The following FMN2 variants were observed in gnomAD, a reference collection of about 807,000 sequenced individuals.
FMN2 encodes the protein formin 2.
In FMN2, 51 loss-of-function variants were observed where a neutral mutation model predicts 142.3. That is an observed-to-expected ratio of 0.36 (90% CI 0.29 to 0.45). FMN2 has a LOEUF of 0.45. Ranked by LOEUF, FMN2 falls within the 20% of genes least tolerant of loss-of-function variation. The pLI is 1.00. For synonymous variants in FMN2, 882 were observed against 869.8 expected (o/e 1.01, Z -0.25); for missense variants, 1,936 against 2,122.8 (o/e 0.91, Z 1.73).
At chr1:240,121,763 A>AAAAAAAAAAAAAAAAAT (rs1662267299) in intron 1 of FMN2, among the ~76,000 whole-genome samples, 1 of 148,932 alleles carries the variant, frequency 6.7e-6, no homozygotes, top group Non-Finnish European at 1.5e-5. Flanking sequence ...AAAAAAAAAA[A>AAAAAAAAAAAAAAAAAT]AAAGTCCTTA....
intron 13 of FMN2, among the ~76,000 whole-genome samples, chr1:240,347,261 G>A (rs1671937763): frequency 6.6e-6 from 1 of 152,206 alleles, no homozygotes. Flanking sequence ...GGGGAATAAA[G>A]TGAAAATGTT....
In FMN2 at chr1:240,091,914, G is replaced by A. The variant is rs1218042686; in HGVS notation, c.-196G>A. Reference sequence around the variant, plus strand: ...GCAGCCGCAGCGACGGCAGCCACGGGAGCCGCCGCGCATTATGCAAAGCGG... The same window carrying A: ...GCAGCCGCAGCGACGGCAGCCACGGAAGCCGCCGCGCATTATGCAAAGCGG... On this transcript the variant is annotated 5_prime_UTR_variant, in exon 1 of 18. Transcript: ENST00000319653. 1 of 943,838 alleles carries A rather than the reference G, an allele frequency of 1.1e-6. No homozygotes were observed. The highest frequency in any genetic ancestry group is 1.8e-5 in the African/African-American group (1 of 57,028). 58.5% of individuals were successfully genotyped at this position (943,838 alleles called of 1,614,324 possible). A position where few individuals can be genotyped will look rare whatever the true frequency, so the allele number is the denominator to read the frequency against.
At position 240,459,717 on chromosome 1, in the gene FMN2, T is replaced by TAAAAAAAAAAAAAAAAAAAAA. The variant is rs57065226; in HGVS notation, c.5061-12637_5061-12617dup. ...GGGTGACAGAACAAGACTCTGTCTCTAAAAAAAAAAAAAAAAAAAAAAAAA... is the reference window on the plus strand; with the variant it reads ...GGGTGACAGAACAAGACTCTGTCTCTAAAAAAAAAAAAAAAAAAAAAAAAAAAAAAAAAAAAAAAAAAAAAA... On this transcript the variant is annotated intron_variant, in intron 16 of 17. Coordinates refer to ENST00000319653, the MANE Select transcript of FMN2 (RefSeq NM_020066.5). Among the ~76,000 whole-genome samples, 4 of 67,130 alleles carry TAAAAAAAAAAAAAAAAAAAAA rather than the reference T, an allele frequency of 6.0e-5. 1 individual carries two copies. The highest frequency in any genetic ancestry group is 1.5e-4 in the African/African-American group (3 of 19,470). The allele number at this position is 67,130 out of a possible 152,430, so 44.0% of individuals were successfully genotyped here.
chr1:240,186,895 T>C (rs777406047), intron 3 of FMN2, among the ~76,000 whole-genome samples: 2 of 151,354 alleles, frequency 1.3e-5, no homozygotes, highest in Admixed American at 6.6e-5. Context: ...AAATACTAAA[T>C]GCCTTTTATT....
intron 8 of FMN2, among the ~76,000 whole-genome samples, chr1:240,307,711 T>G (rs1057440635): frequency 6.6e-6 from 1 of 152,232 alleles, no homozygotes; most frequent in African/African-American, 2.4e-5. Flanking sequence ...AGGATTGCCT[T>G]GGCTATTGGG....
At chr1:240,438,564 G>A (rs904746186) in intron 16 of FMN2, among the ~76,000 whole-genome samples, 2 of 152,206 alleles carry the variant, frequency 1.3e-5, no homozygotes, top group Non-Finnish European at 2.9e-5. Context: ...GCAAAGGCTA[G>A]AAGGGTAAAA....
At chr1:240,403,392 G>A (rs563113875) in intron 15 of FMN2, among the ~76,000 whole-genome samples, 3 of 152,286 alleles carry the variant, frequency 2.0e-5, no homozygotes, top group Non-Finnish European at 4.4e-5. Flanking sequence ...CTAGCACTTT[G>A]GGAAGCTGAG....
intron 3 of FMN2, among the ~76,000 whole-genome samples, chr1:240,178,696 AGTGCT>A (rs943728355): frequency 1.3e-5 from 2 of 152,010 alleles, no homozygotes; most frequent in African/African-American, 2.4e-5. Context: ...GGTCTCCTAA[AGTGCT>A]GGAATTACAG....
chr1:240,274,396 G>A (rs1669122822), intron 7 of FMN2, among the ~76,000 whole-genome samples: 1 of 152,078 alleles, frequency 6.6e-6, no homozygotes, highest in South Asian at 2.1e-4. Flanking sequence ...AAGGATCCTG[G>A]GGTGACTGAA....
chr1:240,340,810 T>C (rs1671718904), intron 13 of FMN2, among the ~76,000 whole-genome samples: 1 of 152,194 alleles, frequency 6.6e-6, no homozygotes, highest in South Asian at 2.1e-4. Context: ...ATAAGTATGG[T>C]ATGAATATAT....
At chr1:240,217,434 G>A (rs546543841) in intron 6 of FMN2, among the ~76,000 whole-genome samples, 18 of 152,266 alleles carry the variant, frequency 1.2e-4, no homozygotes, top group Admixed American at 1.0e-3. Context: ...ATAAAATAAT[G>A]TCTGAAACAC....
At chr1:240,296,443 T>C (rs1669989151) in intron 8 of FMN2, among the ~76,000 whole-genome samples, 1 of 144,740 alleles carries the variant, frequency 6.9e-6, no homozygotes, top group African/African-American at 2.6e-5. Flanking sequence ...GAGTGCTTTT[T>C]TTTTTTTTTT....
intron 7 of FMN2, among the ~76,000 whole-genome samples, chr1:240,291,623 CAG>C (rs1669796094): frequency 6.6e-6 from 1 of 152,150 alleles, no homozygotes; most frequent in African/African-American, 2.4e-5. Context: ...ATAAACAAGA[CAG>C]AGTATAATGA....
intron 3 of FMN2, among the ~76,000 whole-genome samples, chr1:240,184,971 T>TACCTTCCCCTTCTCTTTCTCCCTCCTAC (rs1665349855): frequency 4.8e-5 from 7 of 146,670 alleles, no homozygotes; most frequent in African/African-American, 1.6e-4. Flanking sequence ...CTCCCTCCTA[T>TACCTTCCCCTTCTCTTTCTCCCTCCTAC]ACCTTCCCCT....
chr1:240,172,201 T>TACACACACACACACAC lies in FMN2; in HGVS notation c.1783-5718_1783-5703dup, dbSNP rs138951858. Among the ~76,000 whole-genome samples the TACACACACACACACAC allele has an allele frequency of 5.4e-3, 789 of 147,210 alleles. 1 individual carries two copies. Among genetic ancestry groups the TACACACACACACACAC allele is most frequent in the South Asian group, 0.024 (115 of 4,752 alleles). ...ATTTGTGAAATATTACACATACACA[T>TACACACACACACACAC]ACACACACACACACACAGAAAAAGA... is the stretch of plus-strand genomic sequence containing the variant. On this transcript the variant is annotated intron_variant, in intron 2 of 17. Coordinates refer to ENST00000319653, the MANE Select transcript of FMN2 (RefSeq NM_020066.5).
At chr1:240,149,939 T>C (rs1240123158) in intron 2 of FMN2, among the ~76,000 whole-genome samples, 2 of 152,126 alleles carry the variant, frequency 1.3e-5, no homozygotes. Flanking sequence ...TGAAAACAAA[T>C]ATGGTTATAG....
At chr1:240,185,468 A>G (rs1356951238) in intron 3 of FMN2, among the ~76,000 whole-genome samples, 1 of 152,198 alleles carries the variant, frequency 6.6e-6, no homozygotes, top group Non-Finnish European at 1.5e-5. Context: ...AAGGGATGGG[A>G]TTGGGAGAAT....
chr1:240,205,476 T>TTTTTG (rs1405804531), intron 4 of FMN2, among the ~76,000 whole-genome samples: 17 of 147,172 alleles, frequency 1.2e-4, no homozygotes, highest in Non-Finnish European at 2.4e-4. Flanking sequence ...TTTTTTTTTT[T>TTTTTG]TTTGAGACGG....
intron 14 of FMN2, among the ~76,000 whole-genome samples, chr1:240,366,835 G>A (rs58163226): frequency 0.026 from 3,945 of 152,258 alleles, 167 homozygotes; most frequent in African/African-American, 0.09. Context: ...ACAGGCGTGA[G>A]CCACCGCGCC....
Sources: allele counts gnomAD v4.1 joint callset (sites outside exome capture counted in the v4.1 genomes callset), GRCh38; gene constraint gnomAD v4.1.1; transcripts MANE v1.5; gene names NCBI Gene and HGNC (gene_info 2026-07-23, HGNC 2026-07-21).